VEZT: variants seen among roughly 807,000 people sequenced by gnomAD.
VEZT encodes the protein vezatin, adherens junctions transmembrane protein, also known as vezatin.
In VEZT, 39 loss-of-function variants were observed where a neutral mutation model predicts 79.9. That is an observed-to-expected ratio of 0.49 (90% CI 0.38 to 0.64). The LOEUF is 0.64. Ranked by LOEUF, VEZT falls within the 30% of genes least tolerant of loss-of-function variation. VEZT has a pLI of 0.00. For synonymous variants in VEZT, 325 were observed against 327.6 expected (o/e 0.99, Z 0.09); for missense variants, 837 against 893.1 (o/e 0.94, Z 0.80).
At chr12:95,295,660 T>G (rs920518442) in intron 10 of VEZT, among the ~76,000 whole-genome samples, 3 of 152,198 alleles carry the variant, frequency 2.0e-5, no homozygotes, top group African/African-American at 7.2e-5. Flanking sequence ...TCAAACTTCC[T>G]GGGAAATCTG....
At chr12:95,225,328 G>C (rs1489305748) in intron 1 of VEZT, among the ~76,000 whole-genome samples, 2 of 152,078 alleles carry the variant, frequency 1.3e-5, no homozygotes, top group Non-Finnish European at 2.9e-5. Flanking sequence ...TCCGAGGCGG[G>C]CGGATCACCA....
At chr12:95,268,354 C>T (rs1287853235) in intron 5 of VEZT, among the ~76,000 whole-genome samples, 2 of 151,832 alleles carry the variant, frequency 1.3e-5, no homozygotes, top group Non-Finnish European at 2.9e-5. Flanking sequence ...AGAAATTAGC[C>T]GGGCGTGGTG....
chr12:95,299,028 A>G (rs898563282), intron 11 of VEZT: 1 of 154,828 alleles, frequency 6.5e-6, no homozygotes, highest in Admixed American at 6.5e-5. Context: ...TGCTGATACC[A>G]TAGAATGCTT....
At chr12:95,248,064 G>T (rs938846110) in intron 1 of VEZT, among the ~76,000 whole-genome samples, 14 of 152,194 alleles carry the variant, frequency 9.2e-5, no homozygotes, top group African/African-American at 3.4e-4. Flanking sequence ...TGGTAAGCCA[G>T]ATTTTTCCAG....
chr12:95,252,172 G>C (rs781679052), intron 2 of VEZT, 101 bp downstream of exon 2: 52 of 1,259,920 alleles, frequency 4.1e-5, no homozygotes, highest in Non-Finnish European at 5.1e-5. Context: ...CCTCACACTG[G>C]TAAGACTATT....
chr12:95,294,140 G>C (rs2073626503), intron 9 of VEZT, 132 bp from the exon 10 acceptor site: 2 of 628,890 alleles, frequency 3.2e-6, no homozygotes, highest in Non-Finnish European at 5.4e-6. Context: ...TCCTGCCTCA[G>C]CCTCCCGAAG....
At chr12:95,226,324 T>C (rs1305170914) in intron 1 of VEZT, among the ~76,000 whole-genome samples, 1 of 151,856 alleles carries the variant, frequency 6.6e-6, no homozygotes, top group Non-Finnish European at 1.5e-5. Context: ...AGAATAGAGA[T>C]TGAACAAGCC....
intron 1 of VEZT, among the ~76,000 whole-genome samples, chr12:95,228,758 A>G (rs965156702): frequency 6.6e-6 from 1 of 152,162 alleles, no homozygotes; most frequent in African/African-American, 2.4e-5. Flanking sequence ...AATCCCAACA[A>G]TTTAGGAGGC....
chr12:95,278,807 G>T (rs965897877), intron 7 of VEZT, among the ~76,000 whole-genome samples: 1 of 152,162 alleles, frequency 6.6e-6, no homozygotes, highest in Non-Finnish European at 1.5e-5. Context: ...CGTGGCTCAC[G>T]CCTGTAATCC....
intron 1 of VEZT, among the ~76,000 whole-genome samples, chr12:95,241,600 G>T (rs563658608): frequency 2.0e-5 from 3 of 152,246 alleles, no homozygotes; most frequent in Admixed American, 6.5e-5. Flanking sequence ...GAGCTACCCT[G>T]CCTAGCACAC....
chr12:95,299,298 A>G (rs1319298972), intron 11 of VEZT: 1 of 154,658 alleles, frequency 6.5e-6, no homozygotes, highest in African/African-American at 2.4e-5. Flanking sequence ...GCTTCATACT[A>G]TATTGTATTG....
chr12:95,236,356 G>A (rs2137106377), intron 1 of VEZT, among the ~76,000 whole-genome samples: 1 of 152,268 alleles, frequency 6.6e-6, no homozygotes, highest in Admixed American at 6.5e-5. Flanking sequence ...AGGTTGCAGT[G>A]AGCCGAGATG....
At chr12:95,278,732 A>G (rs568503984) in intron 7 of VEZT, among the ~76,000 whole-genome samples, 1 of 152,340 alleles carries the variant, frequency 6.6e-6, no homozygotes, top group South Asian at 2.1e-4. Flanking sequence ...TAGCCTGAGG[A>G]GACATAAATA....
intron 1 of VEZT, among the ~76,000 whole-genome samples, chr12:95,247,808 G>A (rs2137635427): frequency 6.6e-6 from 1 of 152,248 alleles, no homozygotes; most frequent in East Asian, 1.9e-4. Context: ...TAAGCATAAT[G>A]AATAGAACTT....
chr12:95,270,565 CA>C, intron 6 of VEZT, among the ~76,000 whole-genome samples: 2 of 152,096 alleles, frequency 1.3e-5, no homozygotes, highest in Non-Finnish European at 1.5e-5. Context: ...CTTCCCTTTT[CA>C]AAAAAACAGG....
chr12:95,295,834 A>G (rs2074024075), intron 10 of VEZT, among the ~76,000 whole-genome samples: 2 of 152,190 alleles, frequency 1.3e-5, no homozygotes, highest in Non-Finnish European at 2.9e-5. Context: ...TTTATCCACA[A>G]TGCTTTTTAG....
intron 2 of VEZT, 152 bp downstream of exon 2, chr12:95,252,223 G>T: frequency 1.4e-6 from 1 of 700,572 alleles, no homozygotes; most frequent in Non-Finnish European, 2.1e-6. Flanking sequence ...AGATAAACAT[G>T]AATCCTTACT....
intron 1 of VEZT, among the ~76,000 whole-genome samples, chr12:95,248,121 G>C (rs1384066592): frequency 6.6e-6 from 1 of 152,166 alleles, no homozygotes; most frequent in Admixed American, 6.5e-5. Context: ...TGTTACTAAT[G>C]ATGGGGAAGA....
Position 95,302,173 on chromosome 12 carries a change from C to T in VEZT, c.*1500C>T, listed in dbSNP as rs922259899. On this transcript the variant is annotated 3_prime_UTR_variant, in exon 12 of 12. Coordinates refer to ENST00000436874, the MANE Select transcript of VEZT (RefSeq NM_017599.4). The stretch of plus-strand genomic sequence containing the variant: ...TATTTAAATCACTTATTTAGTTTAC[C>T]GACTTCATTTTTCTTTGGATTTAGA... 19 of 151,860 alleles carry T rather than the reference C, an allele frequency of 1.3e-4. No homozygotes were observed. Among genetic ancestry groups the T allele is most frequent in the African/African-American group, 3.9e-4 (16 of 41,336 alleles). The allele number at this position is 151,860 out of a possible 1,614,324, so 9.4% of individuals were successfully genotyped here. A position where few individuals can be genotyped will look rare whatever the true frequency, so the allele number is the denominator to read the frequency against.
Sources: allele counts gnomAD v4.1 joint callset (sites outside exome capture counted in the v4.1 genomes callset), GRCh38; gene constraint gnomAD v4.1.1; transcripts MANE v1.5; gene names NCBI Gene and HGNC (gene_info 2026-07-23, HGNC 2026-07-21).